Variants in CNTNAP4 observed in about 807,000 individuals in gnomAD.
CNTNAP4 encodes the protein contactin-associated protein-like 4.
A neutral mutation model predicts 148.4 loss-of-function variants in CNTNAP4; 98 were observed. The ratio of observed to expected loss-of-function variants is 0.66; its 90% CI spans 0.56 to 0.78. The LOEUF (loss-of-function observed/expected upper bound fraction) is 0.78, where lower values mean the gene tolerates loss of function less well. CNTNAP4 is among the 30% of genes least tolerant of loss of function. The pLI, the probability that CNTNAP4 is intolerant of heterozygous loss-of-function variation, is 0.00. For missense variants in CNTNAP4, 1,935 were observed against 1,565.6 expected (o/e 1.24, Z -3.98); for synonymous variants, 730 against 565.1 (o/e 1.29, Z -4.14).
intron 2 of CNTNAP4, among the ~76,000 whole-genome samples, chr16:76,342,169 C>G (rs189817624): frequency 1.8e-4 from 28 of 152,254 alleles, no homozygotes; most frequent in Non-Finnish European, 5.9e-5. Flanking sequence ...TCTGGGAATT[C>G]CCCTAAATAT....
chr16:76,430,147 CA>C (rs1179695219), intron 4 of CNTNAP4, among the ~76,000 whole-genome samples: 1 of 152,024 alleles, frequency 6.6e-6, no homozygotes, highest in African/African-American at 2.4e-5. Flanking sequence ...ATTGGCATTG[CA>C]ATATATTTAT....
chr16:76,319,617 G>T (rs1229954123), intron 2 of CNTNAP4, among the ~76,000 whole-genome samples: 1 of 151,992 alleles, frequency 6.6e-6, no homozygotes, highest in Non-Finnish European at 1.5e-5. Context: ...AGGGGTGGGG[G>T]GCTAAATCCA....
At chr16:76,553,610 T>C (rs756914769) in intron 22 of CNTNAP4, 109 bp downstream of exon 22, 1 of 816,124 alleles carries the variant, frequency 1.2e-6, no homozygotes, top group South Asian at 1.8e-5. Context: ...CTTCTTAAAG[T>C]TGGTTTTGTT....
chr16:76,297,526 A>G (rs890876976), intron 1 of CNTNAP4, among the ~76,000 whole-genome samples: 29 of 152,178 alleles, frequency 1.9e-4, no homozygotes, highest in African/African-American at 7.0e-4. Context: ...ACTGAGGAAG[A>G]AGATAATTTT....
intron 9 of CNTNAP4, among the ~76,000 whole-genome samples, chr16:76,465,017 T>G (rs913933254): frequency 1.3e-5 from 2 of 152,250 alleles, no homozygotes; most frequent in African/African-American, 4.8e-5. Context: ...GGATACTGTG[T>G]GCAAAATTCT....
At chr16:76,550,606 C>G (rs1047454526) in intron 21 of CNTNAP4, among the ~76,000 whole-genome samples, 2 of 151,968 alleles carry the variant, frequency 1.3e-5, no homozygotes, top group African/African-American at 4.8e-5. Context: ...AAAGCACTCT[C>G]CCAATTATGC....
At chr16:76,462,675 C>G (rs2081022267) in intron 9 of CNTNAP4, among the ~76,000 whole-genome samples, 1 of 152,120 alleles carries the variant, frequency 6.6e-6, no homozygotes, top group Non-Finnish European at 1.5e-5. Context: ...ATCCACCCGC[C>G]CAGTGGATGT....
intron 2 of CNTNAP4, among the ~76,000 whole-genome samples, chr16:76,333,325 C>G (rs1221653371): frequency 1.3e-5 from 2 of 152,194 alleles, no homozygotes; most frequent in Non-Finnish European, 2.9e-5. Context: ...CTCAATCTAT[C>G]TCTACATTCA....
In CNTNAP4 at chr16:76,512,264, G is replaced by A. The variant is rs532218037; in HGVS notation, c.2366-8876G>A. Among the ~76,000 whole-genome samples the A allele has an allele frequency of 5.1e-4, 77 of 152,168 alleles. 1 individual carries two copies. The highest frequency in any genetic ancestry group is 8.2e-4 in the Non-Finnish European group (56 of 67,988). ...GAACATTAGAGACTTTTGAGAAGACGAGTGATATGATCTAACTCAGGTTTT... is the reference window on the plus strand; with the variant it reads ...GAACATTAGAGACTTTTGAGAAGACAAGTGATATGATCTAACTCAGGTTTT... On this transcript the variant is annotated intron_variant, in intron 15 of 23. Coordinates refer to ENST00000611870, the MANE Select transcript of CNTNAP4 (RefSeq NM_033401.5).
At chr16:76,411,729 G>A (rs2078801714) in intron 3 of CNTNAP4, among the ~76,000 whole-genome samples, 1 of 151,252 alleles carries the variant, frequency 6.6e-6, no homozygotes, top group Non-Finnish European at 1.5e-5. Context: ...AATCTTGATT[G>A]TCTTTGCTGA....
At chr16:76,496,548 G>T (rs1234657478) in intron 14 of CNTNAP4, among the ~76,000 whole-genome samples, 1 of 152,072 alleles carries the variant, frequency 6.6e-6, no homozygotes, top group Non-Finnish European at 1.5e-5. Flanking sequence ...GGCAGAAACT[G>T]CCCATGTGTT....
chr16:76,366,936 C>A (rs370910738), intron 3 of CNTNAP4, among the ~76,000 whole-genome samples: 2 of 151,796 alleles, frequency 1.3e-5, no homozygotes, highest in African/African-American at 4.8e-5. Context: ...CTAAAATCAT[C>A]CATATAAATG....
At chr16:76,528,789 G>A (rs947017057) in intron 17 of CNTNAP4, among the ~76,000 whole-genome samples, 1 of 152,158 alleles carries the variant, frequency 6.6e-6, no homozygotes, top group African/African-American at 2.4e-5. Flanking sequence ...ATGTGATCCA[G>A]TTGGGCAGCA....
At position 76,505,705 on chromosome 16, in the gene CNTNAP4, G is replaced by A. The variant is rs149162739; in HGVS notation, c.2365+7011G>A. Among the ~76,000 whole-genome samples, 70 of 97,356 alleles carry A rather than the reference G, an allele frequency of 7.2e-4. 15 individuals are homozygous for A. The highest frequency in any genetic ancestry group is 1.4e-3 in the African/African-American group (55 of 38,866). 63.9% of individuals were successfully genotyped at this position (97,356 alleles called of 152,430 possible). A position where few individuals can be genotyped will look rare whatever the true frequency, so the allele number is the denominator to read the frequency against. ...TCTGACTGAAAAACAAAACAAAAAC[G>A]TTAATAACAGTTTGCATAGCTATAC... On this transcript the variant is annotated intron_variant, in intron 15 of 23. Transcript: ENST00000611870.
chr16:76,316,640 C>G (rs1257608551), intron 2 of CNTNAP4, 117 bp downstream of exon 2: 2 of 703,702 alleles, frequency 2.8e-6, no homozygotes, highest in East Asian at 2.7e-5. Context: ...TCGAAATAAG[C>G]AAATGGTTAA....
At chr16:76,328,207 G>C (rs908554864) in intron 2 of CNTNAP4, among the ~76,000 whole-genome samples, 1 of 152,126 alleles carries the variant, frequency 6.6e-6, no homozygotes, top group Non-Finnish European at 1.5e-5. Context: ...CCTCATCTTG[G>C]TGATCAAAGT....
At chr16:76,366,205 T>G (rs913505962) in intron 3 of CNTNAP4, among the ~76,000 whole-genome samples, 1 of 152,212 alleles carries the variant, frequency 6.6e-6, no homozygotes, top group African/African-American at 2.4e-5. Context: ...GTTAAACTCA[T>G]GTTGTACAGA....
intron 7 of CNTNAP4, 114 bp from the exon 8 acceptor site, chr16:76,452,394 C>A: frequency 1.0e-6 from 1 of 973,178 alleles, no homozygotes; most frequent in Non-Finnish European, 1.5e-6. Context: ...ATGTTGATAG[C>A]AGGCAGTTGT....
intron 12 of CNTNAP4, among the ~76,000 whole-genome samples, chr16:76,486,972 G>T (rs1244449970): frequency 6.6e-6 from 1 of 152,176 alleles, no homozygotes; most frequent in African/African-American, 2.4e-5. Flanking sequence ...GAGGTCCTCT[G>T]TGTCTGTTAG....
Sources: gnomAD v4.1 joint callset for allele counts (sites outside exome capture counted in the v4.1 genomes callset) on GRCh38, gnomAD v4.1.1 for gene constraint, MANE v1.5 for transcripts, NCBI Gene and HGNC (gene_info 2026-07-23, HGNC 2026-07-21) for gene names.